The following TTC28 variants were observed in gnomAD, a reference collection of about 807,000 sequenced individuals.
TTC28 encodes the protein tetratricopeptide repeat protein 28.
Under a neutral mutation model 198.0 loss-of-function variants are expected in TTC28, and 61 were observed. That is an observed-to-expected ratio of 0.31 (90% CI 0.25 to 0.38). The LOEUF is 0.38. Ranked by LOEUF, TTC28 falls within the 10% of genes least tolerant of loss-of-function variation. The pLI is 1.00. For synonymous variants in TTC28, 1,171 were observed against 1,297.8 expected (o/e 0.90, Z 2.10); for missense variants, 2,678 against 3,164.0 (o/e 0.85, Z 3.69).
chr22:28,535,960 C>T (rs1356187836), intron 2 of TTC28, among the ~76,000 whole-genome samples: 1 of 151,940 alleles, frequency 6.6e-6, no homozygotes, highest in African/African-American at 2.4e-5. Flanking sequence ...CTTGTAATCC[C>T]AGCACTTTGG....
In TTC28 at chr22:27,980,719, ATAC is replaced by A. The variant is rs1286882298; in HGVS notation, c.*1499_*1501del. On this transcript the variant is annotated 3_prime_UTR_variant, in exon 23 of 23. Transcript: ENST00000397906. ...TTTTAATTTTAGAATTACCTAAAAG[ATAC>A]TTACTTATCTAAATTCTCCAACTAA... 6.6e-6 allele frequency: 1 copy of A among 151,654 alleles called. No homozygotes were observed. Among genetic ancestry groups the A allele is most frequent in the Admixed American group, 6.6e-5 (1 of 15,260 alleles). The allele number at this position is 151,654 out of a possible 1,614,324, so 9.4% of individuals were successfully genotyped here.
intron 2 of TTC28, among the ~76,000 whole-genome samples, chr22:28,310,820 C>G (rs2045243323): frequency 6.7e-6 from 1 of 150,330 alleles, no homozygotes. Flanking sequence ...CTTGCTGTCA[C>G]CCAGGCTGGA....
chr22:28,170,114 T>C (rs1268490484), intron 5 of TTC28, among the ~76,000 whole-genome samples: 1 of 152,182 alleles, frequency 6.6e-6, no homozygotes, highest in Non-Finnish European at 1.5e-5. Context: ...TAAGGACTTA[T>C]TGACATTTCT....
chr22:28,308,248 C>T (rs1402249278), intron 2 of TTC28, among the ~76,000 whole-genome samples: 1 of 152,102 alleles, frequency 6.6e-6, no homozygotes, highest in East Asian at 1.9e-4. Flanking sequence ...TTTTCATTAC[C>T]TTTTTCATTT....
chr22:28,248,642 C>A (rs139438075), intron 5 of TTC28, among the ~76,000 whole-genome samples: 40 of 152,180 alleles, frequency 2.6e-4, no homozygotes, highest in Non-Finnish European at 5.0e-4. Flanking sequence ...ACTGAAGCCA[C>A]AATGGAGTTG....
chr22:28,171,028 C>A (rs1922626690), intron 5 of TTC28, among the ~76,000 whole-genome samples: 1 of 151,126 alleles, frequency 6.6e-6, no homozygotes, highest in Non-Finnish European at 1.5e-5. Context: ...GCATGCAAAC[C>A]CTTTTTGTCT....
chr22:28,308,650 C>T (rs2045191774), intron 2 of TTC28, among the ~76,000 whole-genome samples: 1 of 152,120 alleles, frequency 6.6e-6, no homozygotes, highest in Non-Finnish European at 1.5e-5. Flanking sequence ...GTCTCATGTT[C>T]ACACAGGAGC....
intron 13 of TTC28, among the ~76,000 whole-genome samples, chr22:28,028,476 T>C (rs996902050): frequency 6.6e-6 from 1 of 152,208 alleles, no homozygotes; most frequent in Non-Finnish European, 1.5e-5. Context: ...GCCCTAGATA[T>C]ACCTGGCTTG....
At chr22:28,063,759 C>T (rs1232583576) in intron 12 of TTC28, among the ~76,000 whole-genome samples, 1 of 152,150 alleles carries the variant, frequency 6.6e-6, no homozygotes, top group African/African-American at 2.4e-5. Flanking sequence ...AGGGCCTTTT[C>T]TACCACATGT....
rs562770690 is a variant in TTC28 at position 28,415,437 on chromosome 22, A to G, written c.382-108794T>C. Among the ~76,000 whole-genome samples the G allele has an allele frequency of 4.6e-5, 7 of 152,352 alleles. No individual in the cohort carries two copies. In the South Asian group the frequency reaches 1.4e-3, roughly 32 times the overall value. On this transcript the variant is annotated intron_variant, in intron 2 of 22. Transcript: ENST00000397906. ...ATATTTTCAATGTGACTAGAATTAT[A>G]GTAAGATCATATTTGGAAATTAATA...
chr22:28,466,286 T>C (rs58460891), intron 2 of TTC28, among the ~76,000 whole-genome samples: 1 of 152,174 alleles, frequency 6.6e-6, no homozygotes, highest in Non-Finnish European at 1.5e-5. Flanking sequence ...AAATACAGGA[T>C]CATCCTGGGA....
Position 28,677,158 on chromosome 22 carries a change from GAAAA to G in TTC28, c.102+2460_102+2463del, listed in dbSNP as rs35292146. On this transcript the variant is annotated intron_variant, in intron 1 of 22. Transcript: ENST00000397906. ...GTGACAGAGCAAGACTCCATCTCAGGAAAAAAAAAAAAAAAAAATATATATATAT... is the reference window on the plus strand; with the variant it reads ...GTGACAGAGCAAGACTCCATCTCAGGAAAAAAAAAAAAAATATATATATAT... 6.4e-3 allele frequency among the ~76,000 whole-genome samples: 290 copies of G among 45,030 alleles called. 2 individuals are homozygous for G. The highest frequency in any genetic ancestry group is 0.018 in the African/African-American group (192 of 10,454). 29.5% of individuals were successfully genotyped at this position (45,030 alleles called of 152,430 possible). A position where few individuals can be genotyped will look rare whatever the true frequency, so the allele number is the denominator to read the frequency against.
At chr22:28,449,759 G>C (rs1271988730) in intron 2 of TTC28, among the ~76,000 whole-genome samples, 3 of 152,112 alleles carry the variant, frequency 2.0e-5, no homozygotes, top group Admixed American at 6.5e-5. Context: ...AGACAGGAAG[G>C]CCAAATAAGT....
chr22:28,571,926 G>C (rs1443136448), intron 2 of TTC28, among the ~76,000 whole-genome samples: 2 of 146,886 alleles, frequency 1.4e-5, no homozygotes, highest in Admixed American at 6.9e-5. Flanking sequence ...TCCAGCCTGG[G>C]CAACAAGAGC....
At chr22:28,209,644 C>T (rs972639704) in intron 5 of TTC28, among the ~76,000 whole-genome samples, 11 of 152,208 alleles carry the variant, frequency 7.2e-5, no homozygotes, top group African/African-American at 1.2e-4. Context: ...CCCAGAAGCT[C>T]GAACTGGGTG....
intron 2 of TTC28, among the ~76,000 whole-genome samples, chr22:28,338,436 T>C (rs2045769459): frequency 6.6e-6 from 1 of 152,326 alleles, no homozygotes; most frequent in Non-Finnish European, 1.5e-5. Context: ...GAGAGTGTTT[T>C]CCAACTTGGT....
At chr22:28,416,752 T>C (rs910135780) in intron 2 of TTC28, among the ~76,000 whole-genome samples, 1 of 152,162 alleles carries the variant, frequency 6.6e-6, no homozygotes, top group African/African-American at 2.4e-5. Context: ...AAAAGCTCGA[T>C]GACATAGTAA....
intron 2 of TTC28, among the ~76,000 whole-genome samples, chr22:28,507,376 A>G (rs1170343970): frequency 5.3e-5 from 8 of 152,208 alleles, no homozygotes; most frequent in African/African-American, 1.4e-4. Flanking sequence ...AAGAATAAAA[A>G]GGAACAAAAC....
intron 19 of TTC28, 77 bp from the exon 20 acceptor site, chr22:27,990,889 C>G: frequency 7.0e-7 from 1 of 1,424,498 alleles, no homozygotes; most frequent in East Asian, 2.5e-5. Flanking sequence ...GGCTGTTATG[C>G]AACATGAGCT....
Sources: allele counts gnomAD v4.1 joint callset (sites outside exome capture counted in the v4.1 genomes callset), GRCh38; gene constraint gnomAD v4.1.1; transcripts MANE v1.5; gene names NCBI Gene and HGNC (gene_info 2026-07-23, HGNC 2026-07-21).